The following ALOX5 variants were observed in gnomAD, a reference collection of about 807,000 sequenced individuals.
ALOX5 encodes arachidonate 5-lipoxygenase.
Under a neutral mutation model 87.9 loss-of-function variants are expected in ALOX5, and 64 were observed. The observed-to-expected ratio is 0.73, with a 90% confidence interval of 0.60 to 0.90. The LOEUF is 0.90. ALOX5 is among the 40% of genes least tolerant of loss of function. ALOX5 has a pLI of 0.00. For missense variants in ALOX5, 822 were observed against 907.5 expected (o/e 0.91, Z 1.21); for synonymous variants, 388 against 355.1 (o/e 1.09, Z -1.04).
chr10:45,380,304 C>T (rs530843691), intron 1 of ALOX5, among the ~76,000 whole-genome samples: 7 of 152,366 alleles, frequency 4.6e-5, no homozygotes, highest in African/African-American at 1.4e-4. Flanking sequence ...GGCCTGGCTC[C>T]TCTGTCATCA....
At chr10:45,387,589 G>A (rs1840052437) in intron 2 of ALOX5, among the ~76,000 whole-genome samples, 1 of 152,158 alleles carries the variant, frequency 6.6e-6, no homozygotes, top group African/African-American at 2.4e-5. Context: ...AGGACCTCAA[G>A]TGGAAATGCA....
chr10:45,391,005 CT>C (rs1840206776), intron 2 of ALOX5, among the ~76,000 whole-genome samples: 2 of 23,376 alleles, frequency 8.6e-5, no homozygotes. Flanking sequence ...CCCCTCTCCC[CT>C]CTCTCCTCTC....
rs1433541634 is a variant in ALOX5, at chr10:45,425,783, G to A, written c.834+651G>A. ...CCTGCCTCTTCCCCATGGATCCAGC[G>A]TGATGGGGCCTCCTGCCACCCAGGC... On this transcript the variant is annotated intron_variant, in intron 6 of 13. Transcript: ENST00000374391. The surrounding 1 kb of genome is among the most constrained non-coding windows in gnomAD (Gnocchi z 4.4). Among the ~76,000 whole-genome samples, 2 of 152,234 alleles carry A rather than the reference G, an allele frequency of 1.3e-5. No homozygotes were observed. Among genetic ancestry groups the A allele is most frequent in the East Asian group, 1.9e-4 (1 of 5,200 alleles).
rs369157831 is a variant in ALOX5, at chr10:45,428,638, G to A, written c.855G>A (p.Val285=). 1,176 of 1,614,086 alleles carry A rather than the reference G, an allele frequency of 7.3e-4. 1 individual carries two copies. Among genetic ancestry groups the A allele is most frequent in the Non-Finnish European group, 9.6e-4 (1,134 of 1,180,016 alleles). Residue 285 remains valine, a synonymous_variant, in exon 7 of 14, where the codon GTG becomes GTA. Coordinates refer to ENST00000374391, the MANE Select transcript of ALOX5 (RefSeq NM_000698.5). ...TGCAGCAAGGGAACATTTTCATCGTGGACTTTGAGCTGCTGGATGGCATCG... is the reference window on the plus strand; with the variant it reads ...TGCAGCAAGGGAACATTTTCATCGTAGACTTTGAGCTGCTGGATGGCATCG... ...QEVQQGNIFI[V]DFELLDGIDA... is the part of the protein sequence containing the mutation.
intron 3 of ALOX5, among the ~76,000 whole-genome samples, chr10:45,402,086 CAAAAA>C (rs10649706): frequency 2.0e-5 from 2 of 101,130 alleles, no homozygotes; most frequent in African/African-American, 7.7e-5. Flanking sequence ...GACTCCGTCT[CAAAAA>C]AAAAAAAAAA....
intron 1 of ALOX5, among the ~76,000 whole-genome samples, chr10:45,380,526 GGGATGCCTGCGCTCGCACAAA>G (rs1178882369): frequency 3.3e-5 from 5 of 152,212 alleles, no homozygotes; most frequent in African/African-American, 1.2e-4. Flanking sequence ...GCATGGAATG[GGGATGCCTGCGCTCGCACAAA>G]GGATGATACC....
intron 2 of ALOX5, among the ~76,000 whole-genome samples, chr10:45,394,238 T>C (rs944380330): frequency 3.9e-5 from 6 of 152,344 alleles, no homozygotes; most frequent in East Asian, 1.9e-4. Context: ...AACAGCATGG[T>C]ACTGGTACCA....
At chr10:45,445,141 G>A (rs930064323) in intron 13 of ALOX5, among the ~76,000 whole-genome samples, 1 of 152,248 alleles carries the variant, frequency 6.6e-6, no homozygotes, top group African/African-American at 2.4e-5. Flanking sequence ...TGGCCCCAGC[G>A]CCCCTGATGG....
chr10:45,376,655 A>G (rs2132663141), intron 1 of ALOX5, among the ~76,000 whole-genome samples: 1 of 152,354 alleles, frequency 6.6e-6, no homozygotes, highest in South Asian at 2.1e-4. Context: ...AGGTATTTCC[A>G]CACAATTTAA....
chr10:45,417,124 G>GC (rs1483963586), intron 4 of ALOX5, among the ~76,000 whole-genome samples: 3 of 152,006 alleles, frequency 2.0e-5, no homozygotes, highest in Non-Finnish European at 4.4e-5. Flanking sequence ...GACCCACCTG[G>GC]CCCCTGAGTG....
chr10:45,440,093 C>A (rs1477045902), intron 7 of ALOX5, among the ~76,000 whole-genome samples: 1 of 152,184 alleles, frequency 6.6e-6, no homozygotes, highest in Non-Finnish European at 1.5e-5. Context: ...CAGCGATCCT[C>A]CCCCTCCGCT....
At chr10:45,384,337 A>C (rs1839943465) in intron 2 of ALOX5, among the ~76,000 whole-genome samples, 1 of 152,204 alleles carries the variant, frequency 6.6e-6, no homozygotes, top group Admixed American at 6.5e-5. Context: ...GTGAGCATAG[A>C]GAAGCTGTCC....
rs139429646 is a variant in ALOX5 at position 45,412,587 on chromosome 10, C to T, written c.554+274C>T. On this transcript the variant is annotated intron_variant, in intron 4 of 13. Transcript: ENST00000374391. The stretch of plus-strand genomic sequence containing the variant: ...GGGGTCTTTAGTTGGAATGCCTCCT[C>T]CCCATCCATATCTCATGCTCTCTAT... Among the ~76,000 whole-genome samples, 820 of 152,310 alleles carry T rather than the reference C, an allele frequency of 5.4e-3. 1 individual carries two copies. The highest frequency in any genetic ancestry group is 0.017 in the Middle Eastern group (5 of 294).
At chr10:45,414,881 T>C (rs1032347454) in intron 4 of ALOX5, among the ~76,000 whole-genome samples, 1 of 152,114 alleles carries the variant, frequency 6.6e-6, no homozygotes, top group Admixed American at 6.5e-5. Context: ...AAAACCACAA[T>C]GAGATACCAT....
intron 1 of ALOX5, among the ~76,000 whole-genome samples, chr10:45,375,964 G>A (rs1839593065): frequency 6.6e-6 from 1 of 152,204 alleles, no homozygotes; most frequent in African/African-American, 2.4e-5. Flanking sequence ...CCACACCTGG[G>A]GGAGAAGGAC....
At chr10:45,381,965 G>A (rs527256246) in intron 1 of ALOX5, among the ~76,000 whole-genome samples, 3 of 152,342 alleles carry the variant, frequency 2.0e-5, no homozygotes, top group Non-Finnish European at 1.5e-5. Flanking sequence ...TCTGAGAATC[G>A]GCATAAGACA....
At position 45,425,259 on chromosome 10, in the gene ALOX5, C is replaced by T; in HGVS notation, c.834+127C>T. 8.9e-7 allele frequency: 1 copy of T among 1,117,908 alleles called. No individual in the cohort carries two copies. Among genetic ancestry groups the T allele is most frequent in the Non-Finnish European group, 1.2e-6 (1 of 807,670 alleles). The allele number at this position is 1,117,908 out of a possible 1,614,324, so 69.2% of individuals were successfully genotyped here. Reference sequence around the variant, plus strand: ...AGGCCCATCTGGCCTACAGCAGCCGCTTCCTTTTCCTGGCAGCAGTGTCAG... The same window carrying T: ...AGGCCCATCTGGCCTACAGCAGCCGTTTCCTTTTCCTGGCAGCAGTGTCAG... On this transcript the variant is annotated intron_variant, in intron 6 of 13. Transcript: ENST00000374391. This position sits in a 1 kb window ranked among gnomAD's most constrained non-coding sequence, Gnocchi z 4.4.
intron 6 of ALOX5, among the ~76,000 whole-genome samples, chr10:45,427,806 G>C (rs887753915): frequency 6.6e-6 from 1 of 152,154 alleles, no homozygotes; most frequent in Non-Finnish European, 1.5e-5. Context: ...CGCAGCGGCC[G>C]CCCGCCTCCC....
intron 1 of ALOX5, among the ~76,000 whole-genome samples, chr10:45,378,528 T>C (rs1839709146): frequency 6.6e-6 from 1 of 152,254 alleles, no homozygotes; most frequent in Non-Finnish European, 1.5e-5. Context: ...GAATTTAATG[T>C]GTCACAGCAA....
Sources: gnomAD v4.1 joint callset for allele counts (sites outside exome capture counted in the v4.1 genomes callset) on GRCh38, gnomAD v4.1.1 for gene constraint, Gnocchi (gnomAD v3.1) non-coding constraint, MANE v1.5 for transcripts, NCBI Gene and HGNC (gene_info 2026-07-23, HGNC 2026-07-21) for gene names.